The following TRAPPC8 variants were observed in gnomAD, a reference collection of about 807,000 sequenced individuals.
TRAPPC8 encodes general sporulation gene 1 homolog.
In TRAPPC8, 54 loss-of-function variants were observed where a neutral mutation model predicts 174.3. That is an observed-to-expected ratio of 0.31 (90% CI 0.25 to 0.39). TRAPPC8 has a LOEUF of 0.39. Among genes scored for constraint, TRAPPC8 ranks in the 10% least tolerant of loss-of-function variants. The pLI is 1.00. For missense variants in TRAPPC8, 1,531 were observed against 1,699.1 expected (o/e 0.90, Z 1.74); for synonymous variants, 630 against 579.9 (o/e 1.09, Z -1.24).
At position 31,849,028 on chromosome 18, in the gene TRAPPC8, T is replaced by C. The variant is rs116079823; in HGVS notation, c.3735+538A>G. Reference sequence around the variant, plus strand: ...GACCATCAATTAGATAATTAAGAATTATTAATTTGGTTGGGAAAGATAATA... The same window carrying C: ...GACCATCAATTAGATAATTAAGAATCATTAATTTGGTTGGGAAAGATAATA... On this transcript the variant is annotated intron_variant, in intron 25 of 28. Coordinates refer to ENST00000283351, the MANE Select transcript of TRAPPC8 (RefSeq NM_014939.5). 6.1e-3 allele frequency among the ~76,000 whole-genome samples: 936 copies of C among 152,270 alleles called. 12 individuals are homozygous for C. The highest frequency in any genetic ancestry group is 0.022 in the African/African-American group (896 of 41,548).
At chr18:31,905,537 A>C (rs1358845617) in intron 9 of TRAPPC8, among the ~76,000 whole-genome samples, 2 of 152,154 alleles carry the variant, frequency 1.3e-5, no homozygotes, top group African/African-American at 4.8e-5. Flanking sequence ...TCTATAAAAA[A>C]ATTATTTTTT....
intron 12 of TRAPPC8, among the ~76,000 whole-genome samples, chr18:31,882,274 T>C (rs527392602): frequency 2.0e-5 from 3 of 152,100 alleles, no homozygotes; most frequent in South Asian, 4.1e-4. Flanking sequence ...GACACGGCCA[T>C]AAAAAAGAAT....
intron 14 of TRAPPC8, among the ~76,000 whole-genome samples, chr18:31,873,144 A>G (rs1181835173): frequency 6.8e-6 from 1 of 146,288 alleles, no homozygotes; most frequent in Non-Finnish European, 1.5e-5. Flanking sequence ...CAGCCTCTTG[A>G]GTTGATGGGA....
chr18:31,922,452 A>G (rs1232479147), intron 2 of TRAPPC8, among the ~76,000 whole-genome samples: 1 of 151,460 alleles, frequency 6.6e-6, no homozygotes, highest in Non-Finnish European at 1.5e-5. Context: ...ATTAGTCGGG[A>G]GTGGGACATG....
In TRAPPC8 at chr18:31,859,142, A is replaced by G. The variant is rs114888221; in HGVS notation, c.2746-1160T>C. Among the ~76,000 whole-genome samples, 1,085 of 152,248 alleles carry G rather than the reference A, an allele frequency of 7.1e-3. 13 individuals carry two copies. Among genetic ancestry groups the G allele is most frequent in the African/African-American group, 0.024 (1,009 of 41,544 alleles). ...AAAAAACAGATATTTAAATGTCACA[A>G]CTAACATCTAAGCAAGCAGGAAGAT... On this transcript the variant is annotated intron_variant, in intron 19 of 28. Transcript: ENST00000283351.
Position 31,880,089 on chromosome 18 carries a change from AAATATATATATATAT to A in TRAPPC8, c.1729-5400_1729-5386del, listed in dbSNP as rs1214709735. Among the ~76,000 whole-genome samples, 12 of 63,634 alleles carry A rather than the reference AAATATATATATATAT, an allele frequency of 1.9e-4. No individual in the cohort carries two copies. The South Asian group carries it at 4.0e-3, about 21-fold the overall frequency. The allele number at this position is 63,634 out of a possible 152,430, so 41.7% of individuals were successfully genotyped here. ...ATTTTACTGAAACTATTGAAAAAAA[AAATATATATATATAT>A]ATATATATATATATATATTTTTTTT... On this transcript the variant is annotated intron_variant, in intron 12 of 28. Transcript: ENST00000283351.
chr18:31,882,686 G>A (rs370715452), intron 12 of TRAPPC8, among the ~76,000 whole-genome samples: 19 of 151,734 alleles, frequency 1.3e-4, no homozygotes, highest in African/African-American at 3.9e-4. Flanking sequence ...GCACGATCTC[G>A]GCCTACTGCA....
In TRAPPC8 at chr18:31,893,405, G is replaced by A. The variant is rs148951922; in HGVS notation, c.1597-2539C>T. Among the ~76,000 whole-genome samples, 32 of 135,844 alleles carry A rather than the reference G, an allele frequency of 2.4e-4. No individual in the cohort carries two copies. The East Asian group carries it at 3.9e-3, about 17-fold the overall frequency. The allele number at this position is 135,844 out of a possible 152,430, so 89.1% of individuals were successfully genotyped here. ...GGTGTGTGTGTGTGTGTGTGTGTGC[G>A]CGCGCGCGTGTGCCTGTGTGTGTGT... On this transcript the variant is annotated intron_variant, in intron 11 of 28. Coordinates refer to ENST00000283351, the MANE Select transcript of TRAPPC8 (RefSeq NM_014939.5).
In TRAPPC8 at chr18:31,867,502, A is replaced by ACATTC. The variant is rs764258810; in HGVS notation, c.2389-31_2389-27dup. The ACATTC allele has an allele frequency of 1.3e-5, 19 of 1,457,666 alleles. No individual in the cohort carries two copies. In the South Asian group the frequency reaches 2.0e-4, roughly 15 times the overall value. The allele number at this position is 1,457,666 out of a possible 1,614,324, so 90.3% of individuals were successfully genotyped here. ...CTAAAAAATAAATTTCATAAATTATACATTCCAATGAACAAAGTATCAGAT... is the reference window on the plus strand; with the variant it reads ...CTAAAAAATAAATTTCATAAATTATACATTCCATTCCAATGAACAAAGTATCAGAT... On this transcript the variant is annotated intron_variant, in intron 16 of 28. Coordinates refer to ENST00000283351, the MANE Select transcript of TRAPPC8 (RefSeq NM_014939.5).
rs1240926692 is a variant in TRAPPC8 at position 31,908,558 on chromosome 18, G to C, written c.1123-140C>G. ...TTTAAAGAAAACTGTCCAATATGCT[G>C]GCAAAATCCTATTGAAAATGAATAA... On this transcript the variant is annotated intron_variant, in intron 7 of 28. Transcript: ENST00000283351. 7.0e-6 allele frequency: 6 copies of C among 857,018 alleles called. No homozygotes were observed. In the Admixed American group the frequency reaches 2.0e-4, roughly 29 times the overall value. 53.1% of individuals were successfully genotyped at this position (857,018 alleles called of 1,614,324 possible).
intron 16 of TRAPPC8, among the ~76,000 whole-genome samples, chr18:31,869,677 A>C (rs1226726297): frequency 1.3e-5 from 2 of 152,256 alleles, no homozygotes; most frequent in Non-Finnish European, 2.9e-5. Context: ...ATATTATGCA[A>C]AAATAAAATA....
intron 19 of TRAPPC8, 55 bp downstream of exon 19, chr18:31,864,571 AG>A: frequency 6.5e-7 from 1 of 1,543,422 alleles, no homozygotes; most frequent in Non-Finnish European, 8.8e-7. Flanking sequence ...TAATTTACTC[AG>A]AATATTTGCT....
In TRAPPC8 at chr18:31,830,812, C is replaced by T; in HGVS notation, c.4251G>A (p.Val1417=). 6.2e-7 allele frequency: 1 copy of T among 1,614,206 alleles called. No homozygotes were observed. The highest frequency in any genetic ancestry group is 1.1e-5 in the South Asian group (1 of 91,086). ...VFAKLSDQVT[V]FETSQQNSMP... ...TGGAATTCTGCTGACTTGTTTCAAA[C>T]ACTGTAACTTGGTCCGATAACTTGG... is the stretch of plus-strand genomic sequence containing the variant. The change falls in exon 29 of 29, where the codon GTG becomes GTA. Residue 1417 remains valine (V), a synonymous_variant. Coordinates refer to ENST00000283351, the MANE Select transcript of TRAPPC8 (RefSeq NM_014939.5).
At chr18:31,865,010 A>G (rs2034519572) in intron 18 of TRAPPC8, among the ~76,000 whole-genome samples, 1 of 152,106 alleles carries the variant, frequency 6.6e-6, no homozygotes. Flanking sequence ...TTTGCAAAAA[A>G]AGACTACACA....
intron 4 of TRAPPC8, 57 bp from the exon 5 acceptor site, chr18:31,913,579 A>G: frequency 7.4e-7 from 1 of 1,359,000 alleles, no homozygotes; most frequent in Non-Finnish European, 9.8e-7. Flanking sequence ...CTTAGGCAAT[A>G]ATAGAGACTA....
In TRAPPC8 at chr18:31,854,360, C is replaced by T. The variant is rs113158690; in HGVS notation, c.3337-415G>A. On this transcript the variant is annotated intron_variant, in intron 21 of 28. Coordinates refer to ENST00000283351, the MANE Select transcript of TRAPPC8 (RefSeq NM_014939.5). ...GCAACAAAAACTCACATAACAGAAT[C>T]CTAATATATGGTCAGTACACATGAA... Among the ~76,000 whole-genome samples the T allele has an allele frequency of 7.8e-3, 1,185 of 152,102 alleles. 16 individuals carry two copies. The highest frequency in any genetic ancestry group is 0.027 in the African/African-American group (1,136 of 41,496).
chr18:31,926,253 CTG>C (rs1332302118), intron 2 of TRAPPC8, among the ~76,000 whole-genome samples: 12 of 152,166 alleles, frequency 7.9e-5, no homozygotes, highest in Non-Finnish European at 1.5e-5. Context: ...CCACAGACCA[CTG>C]TAATAGCTAA....
At chr18:31,845,752 G>C (rs1174166092) in intron 26 of TRAPPC8, among the ~76,000 whole-genome samples, 2 of 152,044 alleles carry the variant, frequency 1.3e-5, no homozygotes, top group Non-Finnish European at 2.9e-5. Flanking sequence ...AAACTAATGG[G>C]AGGGGTTGCC....
intron 25 of TRAPPC8, among the ~76,000 whole-genome samples, chr18:31,848,305 A>T (rs1174383242): frequency 6.9e-6 from 1 of 144,494 alleles, no homozygotes; most frequent in Non-Finnish European, 1.6e-5. Context: ...CTTAAAAGAT[A>T]ACACTTTTCC....
Sources: gnomAD v4.1 joint callset for allele counts (sites outside exome capture counted in the v4.1 genomes callset) on GRCh38, gnomAD v4.1.1 for gene constraint, MANE v1.5 for transcripts, NCBI Gene and HGNC (gene_info 2026-07-23, HGNC 2026-07-21) for gene names.